The following PLEKHG7 variants were observed in gnomAD, a reference collection of about 807,000 sequenced individuals.
The protein encoded by PLEKHG7 is pleckstrin homology domain-containing family G member 7.
PLEKHG7 carries 77 observed loss-of-function variants against 85.2 expected under a neutral mutation model. The observed-to-expected ratio is 0.90, with a 90% confidence interval of 0.75 to 1.09. PLEKHG7 has a LOEUF of 1.09. PLEKHG7 is among the 50% of genes least tolerant of loss of function. The pLI, the probability that PLEKHG7 is intolerant of heterozygous loss-of-function variation, is 0.00. For missense variants in PLEKHG7, 777 were observed against 804.3 expected (o/e 0.97, Z 0.41); for synonymous variants, 301 against 302.4 (o/e 1.00, Z 0.05).
intron 13 of PLEKHG7, among the ~76,000 whole-genome samples, chr12:92,756,837 A>G (rs1016135563): frequency 1.3e-5 from 2 of 152,208 alleles, no homozygotes; most frequent in Non-Finnish European, 2.9e-5. Context: ...CTCATTCTGT[A>G]TAATTCTTTC....
intron 3 of PLEKHG7, chr12:92,721,542 A>C: frequency 5.4e-6 from 2 of 371,956 alleles, no homozygotes; most frequent in Non-Finnish European, 8.0e-6. Flanking sequence ...AAGAGTGGCT[A>C]TATTGGGGTT....
chr12:92,756,559 G>A (rs1872839498), intron 13 of PLEKHG7, among the ~76,000 whole-genome samples, 168 bp downstream of exon 13: 1 of 152,212 alleles, frequency 6.6e-6, no homozygotes, highest in Non-Finnish European at 1.5e-5. Context: ...CTTGAATGAA[G>A]ACTTCGCAAC....
At chr12:92,721,587 G>A (rs1306458246) in intron 3 of PLEKHG7, 3 of 1,182,376 alleles carry the variant, frequency 2.5e-6, no homozygotes, top group Non-Finnish European at 3.2e-6. Context: ...AAAGCCAGTG[G>A]AAGGGTGTCC....
rs1164963444 is a variant in PLEKHG7 at position 92,761,830 on chromosome 12, A to C, written c.1715A>C (p.Lys572Thr). 1 of 1,576,816 alleles carries C rather than the reference A, an allele frequency of 6.3e-7. No homozygotes were observed. The highest frequency in any genetic ancestry group is 1.4e-5 in the African/African-American group (1 of 72,224). The change falls in exon 14 of 17, where the codon AAG (lysine) becomes ACG (threonine). Residue 572 changes from lysine (K) to threonine (T), a missense_variant and splice_region_variant. Coordinates refer to ENST00000344636, the MANE Select transcript of PLEKHG7 (RefSeq NM_001377329.1). Reference protein sequence around the residue: ...LLVTKTKCNKKKLGGSDPGLM... With the variant: ...LLVTKTKCNKTKLGGSDPGLM... ...GTTACGAAAACTAAGTGCAACAAAAAGGTAAAATGCTGCTATTTCAAAGTA... is the reference window on the plus strand; with the variant it reads ...GTTACGAAAACTAAGTGCAACAAAACGGTAAAATGCTGCTATTTCAAAGTA...
intron 9 of PLEKHG7, among the ~76,000 whole-genome samples, chr12:92,741,987 T>C (rs1003339807): frequency 1.3e-5 from 2 of 152,240 alleles, no homozygotes; most frequent in Non-Finnish European, 2.9e-5. Flanking sequence ...ATCAACACCC[T>C]TGATCATATT....
intron 3 of PLEKHG7, among the ~76,000 whole-genome samples, chr12:92,717,510 G>A (rs1871523261): frequency 6.6e-6 from 1 of 152,134 alleles, no homozygotes; most frequent in South Asian, 2.1e-4. Flanking sequence ...TCCACAAAGT[G>A]GAGACACAAA....
Position 92,745,603 on chromosome 12 carries a change from T to C in PLEKHG7, c.1251+12T>C, listed in dbSNP as rs1872514761. 6.3e-7 allele frequency: 1 copy of C among 1,575,618 alleles called. No homozygotes were observed. Among genetic ancestry groups the C allele is most frequent in the African/African-American group, 1.3e-5 (1 of 74,086 alleles). On this transcript the variant is annotated intron_variant, in intron 10 of 16. Transcript: ENST00000344636. ...GAATTTATTTAAAAGTAAAGTATCA[T>C]TTTCTTTTCTTTTGTATTTTTGCTG...
chr12:92,721,720 A>C (rs1214826934), intron 3 of PLEKHG7, among the ~76,000 whole-genome samples: 1 of 151,650 alleles, frequency 6.6e-6, no homozygotes, highest in African/African-American at 2.4e-5. Context: ...AAAAAAAAAA[A>C]AAAAAAAAGC....
rs1426700046 is a variant in PLEKHG7 at position 92,745,541 on chromosome 12, T to A, written c.1201T>A (p.Phe401Ile). The A allele has an allele frequency of 4.3e-6, 7 of 1,613,916 alleles. No individual in the cohort carries two copies. The African/African-American group carries it at 9.3e-5, about 22-fold the overall frequency. The change falls in exon 10 of 17, where the codon TTT (phenylalanine) becomes ATT (isoleucine). Residue 401 changes from phenylalanine (F) to isoleucine (I), a missense_variant. Coordinates refer to ENST00000344636, the MANE Select transcript of PLEKHG7 (RefSeq NM_001377329.1). The stretch of plus-strand genomic sequence containing the variant: ...CTGCCTGAACTATTCAGCTGCTATC[T>A]TTTATCTTGAGAGCCTGAGGCAGAG... The part of the protein sequence containing the change: ...TYCLNYSAAI[F>I]YLESLRQRDD...
intron 3 of PLEKHG7, 140 bp from the exon 4 acceptor site, chr12:92,728,853 A>C (rs1871899853): frequency 1.7e-6 from 1 of 588,196 alleles, no homozygotes; most frequent in South Asian, 9.2e-5. Flanking sequence ...ACTAATTCAC[A>C]TTCCCACCAA....
intron 3 of PLEKHG7, among the ~76,000 whole-genome samples, chr12:92,709,112 C>A (rs186628645): frequency 8.8e-4 from 134 of 152,230 alleles, no homozygotes; most frequent in Admixed American, 1.7e-3. Context: ...TTGATATGAT[C>A]AGATGGATGT....
chr12:92,763,050 AG>A (rs1445585437), intron 14 of PLEKHG7, among the ~76,000 whole-genome samples: 5 of 152,226 alleles, frequency 3.3e-5, no homozygotes, highest in African/African-American at 7.2e-5. Flanking sequence ...ATGCTTGCAT[AG>A]TTGACCTTCA....
intron 13 of PLEKHG7, among the ~76,000 whole-genome samples, chr12:92,758,551 G>C (rs1872900110): frequency 6.6e-6 from 1 of 152,222 alleles, no homozygotes; most frequent in African/African-American, 2.4e-5. Context: ...TGCATCGCAT[G>C]GGTTCAAAGT....
At chr12:92,770,050 T>A (rs1039352695) in intron 16 of PLEKHG7, 38 bp from the exon 17 acceptor site, 5 of 1,325,794 alleles carry the variant, frequency 3.8e-6, no homozygotes, top group African/African-American at 1.5e-5. Context: ...CTTAACATTC[T>A]AATCTCTATT....
chr12:92,760,586 A>G (rs888284474), intron 13 of PLEKHG7, among the ~76,000 whole-genome samples: 9 of 152,110 alleles, frequency 5.9e-5, no homozygotes, highest in African/African-American at 2.2e-4. Flanking sequence ...GATTACTCTA[A>G]GCACTTGTCA....
chr12:92,750,454 G>A (rs568682589), intron 10 of PLEKHG7, among the ~76,000 whole-genome samples: 5 of 152,200 alleles, frequency 3.3e-5, no homozygotes, highest in Admixed American at 6.5e-5. Flanking sequence ...TATTTACCAC[G>A]GATGCTTCTT....
Position 92,737,613 on chromosome 12 carries a change from GA to G in PLEKHG7, c.939+95del, listed in dbSNP as rs557314832. The G allele has an allele frequency of 6.0e-4, 713 of 1,191,376 alleles. 4 individuals are homozygous for G. The South Asian group carries it at 9.4e-3, about 16-fold the overall frequency. 73.8% of individuals were successfully genotyped at this position (1,191,376 alleles called of 1,614,324 possible). A position where few individuals can be genotyped will look rare whatever the true frequency, so the allele number is the denominator to read the frequency against. On this transcript the variant is annotated intron_variant, in intron 7 of 16. Coordinates refer to ENST00000344636, the MANE Select transcript of PLEKHG7 (RefSeq NM_001377329.1). The stretch of plus-strand genomic sequence containing the variant: ...CCTCTTCTGAAAGAAATAAAGAAAA[GA>G]AAGAGAGAAAAGAAAGAAAGAGAAA...
At chr12:92,738,710 A>G (rs1872257208) in intron 7 of PLEKHG7, among the ~76,000 whole-genome samples, 2 of 152,372 alleles carry the variant, frequency 1.3e-5, no homozygotes, top group Non-Finnish European at 2.9e-5. Flanking sequence ...AAGCTGTAAA[A>G]GAGAAATGAC....
At chr12:92,722,652 A>G (rs1049708782) in intron 3 of PLEKHG7, among the ~76,000 whole-genome samples, 1 of 152,218 alleles carries the variant, frequency 6.6e-6, no homozygotes, top group African/African-American at 2.4e-5. Context: ...ATCCCAGATG[A>G]GCAAAATGGA....
Sources: allele counts gnomAD v4.1 joint callset (sites outside exome capture counted in the v4.1 genomes callset), GRCh38; gene constraint gnomAD v4.1.1; transcripts MANE v1.5; gene names NCBI Gene and HGNC (gene_info 2026-07-23, HGNC 2026-07-21).